The following HMGB1 variants were observed in gnomAD, a reference collection of about 807,000 sequenced individuals.
HMGB1 encodes the protein high mobility group box 1, also known as high mobility group protein B1.
For missense variants in HMGB1, 79 were observed against 253.5 expected, an observed-to-expected ratio of 0.31 and a Z score of 4.67; for synonymous variants, 81 against 84.0, an observed-to-expected ratio of 0.96 and a Z score of 0.19.
intron 1 of HMGB1, among the ~76,000 whole-genome samples, chr13:30,569,813 A>G (rs1346230845): frequency 6.6e-6 from 1 of 152,250 alleles, no homozygotes; most frequent in Non-Finnish European, 1.5e-5. Flanking sequence ...AATGTAAATA[A>G]GAAGGCTTTA....
chr13:30,464,864 C>G (rs1306237591), intron 1 of HMGB1: 1 of 150,146 alleles, frequency 6.7e-6, no homozygotes, highest in African/African-American at 2.5e-5. Flanking sequence ...CTCTGGCGCA[C>G]ACACTCGGCC....
chr13:30,498,428 C>A (rs1270207561), intron 1 of HMGB1, among the ~76,000 whole-genome samples: 1 of 152,038 alleles, frequency 6.6e-6, no homozygotes, highest in African/African-American at 2.4e-5. Context: ...TGGGATGCAG[C>A]AGGAGCGGGA....
At chr13:30,493,132 T>C (rs1887537178) in intron 1 of HMGB1, among the ~76,000 whole-genome samples, 1 of 152,188 alleles carries the variant, frequency 6.6e-6, no homozygotes, top group African/African-American at 2.4e-5. Flanking sequence ...ATTGTAGGTT[T>C]ATTTGTAATA....
At chr13:30,567,203 A>C (rs1402883888) in intron 1 of HMGB1, among the ~76,000 whole-genome samples, 2 of 152,170 alleles carry the variant, frequency 1.3e-5, no homozygotes, top group African/African-American at 4.8e-5. Flanking sequence ...GTGGTGAATA[A>C]AATTAGATGA....
chr13:30,490,737 C>A lies in HMGB1; in HGVS notation c.-14-27043G>T, dbSNP rs1268510221. ...ATTTGAGGCTGCAATGAGCTATGAT[C>A]ACACCACTACATTCCAGCTTGGGCG... On this transcript the variant is annotated intron_variant, in intron 1 of 4. Coordinates refer to the HMGB1 transcript ENST00000405805. 2.6e-5 allele frequency among the ~76,000 whole-genome samples: 4 copies of A among 151,826 alleles called. No individual in the cohort carries two copies. The East Asian group carries it at 7.7e-4, about 29-fold the overall frequency.
rs1323534613 is a variant in HMGB1, at chr13:30,460,038, A to G, written c.*1319T>C. 6.6e-6 allele frequency: 1 copy of G among 152,622 alleles called. No individual in the cohort carries two copies. Among genetic ancestry groups the G allele is most frequent in the Non-Finnish European group, 1.5e-5 (1 of 68,004 alleles). 9.5% of individuals were successfully genotyped at this position (152,622 alleles called of 1,614,324 possible). On this transcript the variant is annotated 3_prime_UTR_variant, in exon 5 of 5. Transcript: ENST00000341423. The stretch of plus-strand genomic sequence containing the variant: ...TATTTTAAAATACTGGCACTTTAAG[A>G]AAACGATAATCTCGAAAACCACAAA...
intron 1 of HMGB1, among the ~76,000 whole-genome samples, chr13:30,612,640 A>G (rs1950523083): frequency 6.6e-6 from 1 of 152,238 alleles, no homozygotes. Context: ...GGGGAAAGTA[A>G]GACTACCTAT....
chr13:30,548,941 T>C (rs1869291744), intron 1 of HMGB1, among the ~76,000 whole-genome samples: 1 of 152,172 alleles, frequency 6.6e-6, no homozygotes, highest in African/African-American at 2.4e-5. Context: ...AAAGGGACGG[T>C]GTGAGTTCCT....
At chr13:30,495,989 T>C (rs1887602373) in intron 1 of HMGB1, among the ~76,000 whole-genome samples, 1 of 152,152 alleles carries the variant, frequency 6.6e-6, no homozygotes, top group Admixed American at 6.6e-5. Flanking sequence ...CCATCTAGAG[T>C]GGGACCATTG....
At chr13:30,598,459 T>C (rs1360759460) in intron 1 of HMGB1, among the ~76,000 whole-genome samples, 1 of 152,236 alleles carries the variant, frequency 6.6e-6, no homozygotes, top group East Asian at 1.9e-4. Context: ...ATAAAATAAG[T>C]GCTCAATAAA....
chr13:30,499,054 G>A (rs536464421), intron 1 of HMGB1, among the ~76,000 whole-genome samples: 1 of 151,844 alleles, frequency 6.6e-6, no homozygotes, highest in African/African-American at 2.4e-5. Context: ...CTGGGTTCAA[G>A]TGATTTTCCT....
chr13:30,554,098 T>C (rs1869562948), intron 1 of HMGB1: 1 of 1,283,438 alleles, frequency 7.8e-7, no homozygotes, highest in Non-Finnish European at 1.1e-6. Flanking sequence ...GGATTCAATG[T>C]GAAGCTCTTT....
intron 1 of HMGB1, among the ~76,000 whole-genome samples, chr13:30,506,109 G>A (rs1418962540): frequency 6.6e-6 from 1 of 152,144 alleles, no homozygotes; most frequent in Non-Finnish European, 1.5e-5. Flanking sequence ...TAGACCTTTT[G>A]AATCAGGATC....
chr13:30,538,701 CT>C (rs757721884), intron 1 of HMGB1, among the ~76,000 whole-genome samples: 4 of 55,042 alleles, frequency 7.3e-5, no homozygotes, highest in Non-Finnish European at 1.0e-4. Flanking sequence ...TTCTTTCTTT[CT>C]TTTTCTTTCT....
At chr13:30,508,063 T>G (rs1237516014) in intron 1 of HMGB1, among the ~76,000 whole-genome samples, 1 of 152,202 alleles carries the variant, frequency 6.6e-6, no homozygotes, top group African/African-American at 2.4e-5. Flanking sequence ...GGCCTTGAAC[T>G]GTTACTCCCA....
At chr13:30,565,676 C>A (rs1161875830) in intron 1 of HMGB1, among the ~76,000 whole-genome samples, 2 of 152,186 alleles carry the variant, frequency 1.3e-5, no homozygotes, top group Non-Finnish European at 2.9e-5. Context: ...CCAGAGGGCA[C>A]TGATGCTGCT....
chr13:30,462,272 A>T, intron 4 of HMGB1: 1 of 468,096 alleles, frequency 2.1e-6, no homozygotes, highest in Non-Finnish European at 3.9e-6. Flanking sequence ...ACTTGAAGTG[A>T]CTACCAACAT....
chr13:30,534,147 C>T (rs921807914), intron 1 of HMGB1, among the ~76,000 whole-genome samples: 30 of 152,276 alleles, frequency 2.0e-4, no homozygotes, highest in Non-Finnish European at 3.5e-4. Context: ...CGTGAGCCAC[C>T]GCGCCTGGCC....
At chr13:30,464,620 G>T in intron 1 of HMGB1, 1 of 984,024 alleles carries the variant, frequency 1.0e-6, no homozygotes, top group Non-Finnish European at 1.2e-6. Flanking sequence ...TCGGCGCAGG[G>T]AGAAGCCCCG....
Sources: allele counts gnomAD v4.1 joint callset (sites outside exome capture counted in the v4.1 genomes callset), GRCh38; gene constraint gnomAD v4.1.1; transcripts MANE v1.5; gene names NCBI Gene and HGNC (gene_info 2026-07-23, HGNC 2026-07-21).